Variants in ZDHHC24 observed in about 807,000 individuals in gnomAD.
The protein encoded by ZDHHC24 is probable palmitoyltransferase ZDHHC24.
Under a neutral mutation model 23.2 loss-of-function variants are expected in ZDHHC24, and 17 were observed. The ratio of observed to expected loss-of-function variants is 0.73; its 90% CI spans 0.50 to 1.10. ZDHHC24 has a LOEUF of 1.10. Among genes scored for constraint, ZDHHC24 ranks in the 50% least tolerant of loss-of-function variants. The pLI, the probability that ZDHHC24 is intolerant of heterozygous loss-of-function variation, is 0.00. For missense variants in ZDHHC24, 366 were observed against 393.0 expected (o/e 0.93, Z 0.58); for synonymous variants, 186 against 194.5 (o/e 0.96, Z 0.36).
exon 4 of ZDHHC24, chr11:66,526,978 C>A: frequency 6.5e-7 from 1 of 1,546,064 alleles, no homozygotes; most frequent in African/African-American, 1.4e-5. Context: ...ACGTTGCCTG[C>A]AAATCACTGT....
chr11:66,541,671 CA>C (rs919357231), intron 2 of ZDHHC24, among the ~76,000 whole-genome samples: 2 of 152,128 alleles, frequency 1.3e-5, no homozygotes, highest in African/African-American at 4.8e-5. Context: ...TGAGAAAGGG[CA>C]ACCACAAAGG....
At chr11:66,521,314 G>T (rs1856205495) in exon 5 of ZDHHC24, 2 of 1,614,124 alleles carry the variant, frequency 1.2e-6, no homozygotes. Context: ...TTTCTGGCCA[G>T]TTTGATGTTG....
chr11:66,529,207 C>T (rs1441289511), intron 3 of ZDHHC24: 2 of 1,478,104 alleles, frequency 1.4e-6, no homozygotes, highest in Non-Finnish European at 1.8e-6. Flanking sequence ...CGGGGTGGGC[C>T]CTGGAGGTGG....
chr11:66,524,056 G>C, intron 4 of ZDHHC24: 1 of 903,232 alleles, frequency 1.1e-6, no homozygotes. Context: ...AAGGTGGGCA[G>C]ATCACCTGAG....
chr11:66,530,191 C>G (rs888639609), intron 2 of ZDHHC24, among the ~76,000 whole-genome samples: 1 of 152,142 alleles, frequency 6.6e-6, no homozygotes, highest in Non-Finnish European at 1.5e-5. Flanking sequence ...GTGGGACACT[C>G]TCCAGCTCAG....
intron 4 of ZDHHC24, among the ~76,000 whole-genome samples, chr11:66,524,601 G>A (rs1046420119): frequency 6.6e-6 from 1 of 152,186 alleles, no homozygotes; most frequent in East Asian, 1.9e-4. Flanking sequence ...ATTCTGCACA[G>A]AGAATAGCAT....
chr11:66,529,699 C>T, intron 2 of ZDHHC24: 2 of 1,300,852 alleles, frequency 1.5e-6, no homozygotes, highest in Non-Finnish European at 2.2e-6. Context: ...CTGCAGACTC[C>T]TCCTGCAGCA....
At chr11:66,530,611 G>T (rs571242330) in intron 2 of ZDHHC24, among the ~76,000 whole-genome samples, 1 of 152,154 alleles carries the variant, frequency 6.6e-6, no homozygotes, top group African/African-American at 2.4e-5. Context: ...AGAGTGGGAG[G>T]TGGAACAGGC....
At chr11:66,521,081 G>A (rs113931881), downstream of ZDHHC24, 17 of 640,564 alleles carry the variant, frequency 2.7e-5, 1 homozygote, top group African/African-American at 1.8e-4. Context: ...TAGTCAAAAG[G>A]CACAGACTAA....
At chr11:66,531,818 A>G, downstream of ZDHHC24, 1 of 1,574,988 alleles carries the variant, frequency 6.3e-7, no homozygotes, top group African/African-American at 1.5e-5. Flanking sequence ...GCCAACAAAG[A>G]CCTTAGGGGG....
downstream of ZDHHC24, chr11:66,532,387 C>T (rs1003090117): frequency 4.4e-5 from 13 of 295,444 alleles, 1 homozygote; most frequent in South Asian, 5.3e-4. Context: ...TCCACTGCCA[C>T]GTCCCTCATG....
chr11:66,539,810 C>G lies in ZDHHC24; in HGVS notation c.574G>C (p.Ala192Pro). Residue 192 changes from alanine (A) to proline (P), a missense_variant, in exon 3 of 3, where the codon GCA (alanine) becomes CCA (proline). Coordinates refer to ENST00000310442, the MANE Select transcript of ZDHHC24 (RefSeq NM_207340.3). Reference protein sequence around the residue: ...LMLLTGRVSLAQFALAFVTDT... With the variant: ...LMLLTGRVSLPQFALAFVTDT... ...GTCACGAAGGCCAAGGCAAACTGTG[C>G]CAGAGACACTCTGCCTGCAATAAAA... 1.2e-6 allele frequency: 2 copies of G among 1,601,594 alleles called. No individual in the cohort carries two copies. The highest frequency in any genetic ancestry group is 1.7e-6 in the Non-Finnish European group (2 of 1,173,036).
At chr11:66,523,983 A>T (rs971169901) in intron 4 of ZDHHC24, 9 of 1,544,764 alleles carry the variant, frequency 5.8e-6, no homozygotes, top group Non-Finnish European at 7.9e-6. Context: ...GATGCATTTC[A>T]AAAACATTTG....
downstream of ZDHHC24, chr11:66,530,953 C>T (rs112953332): frequency 3.7e-6 from 6 of 1,614,250 alleles, no homozygotes; most frequent in African/African-American, 5.3e-5. Flanking sequence ...CCTCAACAAC[C>T]CGTCCTGTCC....
At chr11:66,524,293 ATGTGT>A in intron 4 of ZDHHC24, 1 of 331,082 alleles carries the variant, frequency 3.0e-6, no homozygotes. Context: ...AAAAAAAAAA[ATGTGT>A]TGAGCACCTC....
downstream of ZDHHC24, chr11:66,532,488 C>T (rs1856828173): frequency 5.9e-6 from 1 of 168,538 alleles, no homozygotes; most frequent in African/African-American, 2.4e-5. Context: ...GAGATTGAGC[C>T]TCCTGTTGCT....
At chr11:66,533,311 A>G (rs192684991), downstream of ZDHHC24, 4 of 152,358 alleles carry the variant, frequency 2.6e-5, no homozygotes, top group East Asian at 7.7e-4. Flanking sequence ...TGTAACAAGA[A>G]AACAGTCTCT....
chr11:66,529,231 C>T (rs1856655738), intron 3 of ZDHHC24: 2 of 1,499,306 alleles, frequency 1.3e-6, no homozygotes, highest in African/African-American at 1.4e-5. Context: ...GGGGAAGAGT[C>T]ATGTGATCCT....
intron 4 of ZDHHC24, chr11:66,523,591 A>G: frequency 6.2e-7 from 1 of 1,614,056 alleles, no homozygotes; most frequent in South Asian, 1.1e-5. Context: ...AGCCCCCAGC[A>G]AGCAGCAGCC....
Sources: allele counts gnomAD v4.1 joint callset (sites outside exome capture counted in the v4.1 genomes callset), GRCh38; gene constraint gnomAD v4.1.1; transcripts MANE v1.5; gene names NCBI Gene and HGNC (gene_info 2026-07-23, HGNC 2026-07-21).